EXOC6B: variants seen among roughly 807,000 people sequenced by gnomAD.
EXOC6B encodes the protein exocyst complex component 6B.
EXOC6B carries 54 observed loss-of-function variants against 113.5 expected under a neutral mutation model. That is an observed-to-expected ratio of 0.48 (90% CI 0.38 to 0.60). EXOC6B has a LOEUF of 0.60. Ranked by LOEUF, EXOC6B falls within the 20% of genes least tolerant of loss-of-function variation. The pLI, the probability that EXOC6B is intolerant of heterozygous loss-of-function variation, is 0.00. For missense variants in EXOC6B, 797 were observed against 977.5 expected, an observed-to-expected ratio of 0.82 and a Z score of 2.46; for synonymous variants, 357 against 339.0, an observed-to-expected ratio of 1.05 and a Z score of -0.58.
rs1397990750 is a variant in EXOC6B at position 72,340,320 on chromosome 2, G to T, written c.2123-5300C>A. Among the ~76,000 whole-genome samples, 5 of 152,046 alleles carry T rather than the reference G, an allele frequency of 3.3e-5. No individual in the cohort carries two copies. The South Asian group carries it at 1.0e-3, about 32-fold the overall frequency. On this transcript the variant is annotated intron_variant, in intron 19 of 21. Coordinates refer to ENST00000272427, the MANE Select transcript of EXOC6B (RefSeq NM_015189.3). ...AGAAGTCTGTGAGAAAAAATATAAA[G>T]CTAATTTTTCTAAATCTTTGCAAAA...
intron 1 of EXOC6B, among the ~76,000 whole-genome samples, chr2:72,793,479 G>A (rs1684788615): frequency 6.6e-6 from 1 of 152,160 alleles, no homozygotes; most frequent in African/African-American, 2.4e-5. Flanking sequence ...AGTCTTGAGA[G>A]CAGAGAAGAA....
rs1029890180 is a variant in EXOC6B at position 72,313,850 on chromosome 2, C to A, written c.2196+21097G>T. ...CCAATCCAAGCATCTATGCAATTAGCCAGTCATAGATTTAGCAATTAAATA... is the reference window on the plus strand; with the variant it reads ...CCAATCCAAGCATCTATGCAATTAGACAGTCATAGATTTAGCAATTAAATA... On this transcript the variant is annotated intron_variant, in intron 20 of 21. Transcript: ENST00000272427. Among the ~76,000 whole-genome samples the A allele has an allele frequency of 7.2e-5, 11 of 152,274 alleles. 1 individual carries two copies. The highest frequency in any genetic ancestry group is 7.2e-4 in the Admixed American group (11 of 15,298).
rs190427242 is a variant in EXOC6B, at chr2:72,587,054, A to G, written c.670-11386T>C. ...AACTACCATTTGACCTAGCAATCCC[A>G]TTATTGGGTATATATCCAAAAGAAA... On this transcript the variant is annotated intron_variant, in intron 6 of 21. Transcript: ENST00000272427. 4.9e-3 allele frequency among the ~76,000 whole-genome samples: 739 copies of G among 152,330 alleles called. 11 individuals carry two copies. The highest frequency in any genetic ancestry group is 6.5e-3 in the Non-Finnish European group (443 of 68,028).
At chr2:72,549,597 A>C (rs878961387) in intron 8 of EXOC6B, among the ~76,000 whole-genome samples, 1 of 152,202 alleles carries the variant, frequency 6.6e-6, no homozygotes. Context: ...TTTAAAACAC[A>C]GGGAGATACA....
intron 18 of EXOC6B, among the ~76,000 whole-genome samples, chr2:72,436,435 A>C (rs1014839595): frequency 6.6e-6 from 1 of 152,034 alleles, no homozygotes; most frequent in Non-Finnish European, 1.5e-5. Flanking sequence ...CTGAATTTGA[A>C]TGCTGGCCTG....
intron 1 of EXOC6B, among the ~76,000 whole-genome samples, chr2:72,788,786 C>T (rs937432388): frequency 1.3e-5 from 2 of 152,056 alleles, no homozygotes; most frequent in Non-Finnish European, 2.9e-5. Context: ...GCAACAGAGC[C>T]TCAAAAAAGG....
chr2:72,181,805 A>T (rs955461191), intron 21 of EXOC6B, among the ~76,000 whole-genome samples: 2 of 152,174 alleles, frequency 1.3e-5, no homozygotes, highest in African/African-American at 4.8e-5. Flanking sequence ...CCTGAGGGCT[A>T]GTGGTGGCCT....
At chr2:72,649,101 C>T (rs1335471747) in intron 6 of EXOC6B, among the ~76,000 whole-genome samples, 1 of 152,110 alleles carries the variant, frequency 6.6e-6, no homozygotes, top group African/African-American at 2.4e-5. Flanking sequence ...AATCACACCA[C>T]TGCTTTCCTA....
intron 18 of EXOC6B, among the ~76,000 whole-genome samples, chr2:72,443,331 A>T (rs1262202810): frequency 2.6e-5 from 4 of 151,702 alleles, no homozygotes; most frequent in African/African-American, 9.7e-5. Context: ...AAAAAAAAAA[A>T]AAAAAAGAAA....
chr2:72,466,083 G>A (rs913073809), intron 17 of EXOC6B, among the ~76,000 whole-genome samples: 2 of 152,124 alleles, frequency 1.3e-5, no homozygotes, highest in Admixed American at 6.5e-5. Context: ...AGTGGCTCAT[G>A]CGTGTAATCC....
intron 1 of EXOC6B, among the ~76,000 whole-genome samples, chr2:72,772,566 C>A (rs1683465821): frequency 6.6e-6 from 1 of 152,194 alleles, no homozygotes; most frequent in African/African-American, 2.4e-5. Flanking sequence ...CAGCCCAACC[C>A]AGTAGATCCT....
In EXOC6B at chr2:72,666,820, CACAA is replaced by C. The variant is rs767978205; in HGVS notation, c.669+51279_669+51282del. ...ACACACACACACACACACACACACA[CACAA>C]AGAAATGCCTAAGTATACATCTGAT... On this transcript the variant is annotated intron_variant, in intron 6 of 21. Transcript: ENST00000272427. Among the ~76,000 whole-genome samples, 626 of 149,130 alleles carry C rather than the reference CACAA, an allele frequency of 4.2e-3. 5 individuals carry two copies. The highest frequency in any genetic ancestry group is 9.8e-3 in the Admixed American group (146 of 14,958).
intron 6 of EXOC6B, among the ~76,000 whole-genome samples, chr2:72,709,585 C>A (rs545537264): frequency 2.6e-5 from 4 of 152,260 alleles, no homozygotes; most frequent in Non-Finnish European, 4.4e-5. Flanking sequence ...CAATGTATAG[C>A]TTAACCACGT....
intron 19 of EXOC6B, among the ~76,000 whole-genome samples, chr2:72,340,315 A>T (rs764057086): frequency 2.6e-5 from 4 of 152,224 alleles, no homozygotes; most frequent in Non-Finnish European, 4.4e-5. Context: ...GAGAAAAAAT[A>T]TAAAGCTAAT....
chr2:72,463,320 C>G (rs1317141223), intron 18 of EXOC6B: 1 of 151,912 alleles, frequency 6.6e-6, no homozygotes, highest in East Asian at 1.9e-4. Context: ...GATAAATGCT[C>G]CCACTAGGAA....
At chr2:72,211,363 T>C (rs2104385577) in intron 20 of EXOC6B, among the ~76,000 whole-genome samples, 1 of 152,294 alleles carries the variant, frequency 6.6e-6, no homozygotes, top group East Asian at 1.9e-4. Flanking sequence ...GGTGAGAAAA[T>C]GGGCCCTCCT....
intron 1 of EXOC6B, among the ~76,000 whole-genome samples, chr2:72,775,464 G>T (rs943417212): frequency 2.6e-5 from 4 of 152,154 alleles, no homozygotes; most frequent in African/African-American, 9.7e-5. Flanking sequence ...AGAAGTCAGG[G>T]TCAAAGACCA....
chr2:72,463,277 A>G (rs1697822102), intron 18 of EXOC6B: 1 of 152,116 alleles, frequency 6.6e-6, no homozygotes, highest in Non-Finnish European at 1.5e-5. Flanking sequence ...TGGTATCAGG[A>G]TAAAGCTAGA....
intron 3 of EXOC6B, among the ~76,000 whole-genome samples, chr2:72,732,141 TG>T (rs1446040874): frequency 6.6e-6 from 1 of 152,120 alleles, no homozygotes; most frequent in Non-Finnish European, 1.5e-5. Context: ...ATAGAATCAA[TG>T]ATTTTTTTTA....
Sources: gnomAD v4.1 joint callset for allele counts (sites outside exome capture counted in the v4.1 genomes callset) on GRCh38, gnomAD v4.1.1 for gene constraint, MANE v1.5 for transcripts, NCBI Gene and HGNC (gene_info 2026-07-23, HGNC 2026-07-21) for gene names.